DOCK3: variants seen among roughly 807,000 people sequenced by gnomAD.
DOCK3 encodes the protein dedicator of cytokinesis protein 3.
DOCK3 carries 60 observed loss-of-function variants against 265.6 expected under a neutral mutation model. The ratio of observed to expected loss-of-function variants is 0.23; its 90% CI spans 0.18 to 0.28. The LOEUF is 0.28. Among genes scored for constraint, DOCK3 ranks in the 10% least tolerant of loss-of-function variants. The pLI is 1.00. For missense variants in DOCK3, 1,981 were observed against 2,594.3 expected (o/e 0.76, Z 5.14); for synonymous variants, 881 against 938.0 (o/e 0.94, Z 1.11).
In DOCK3 at chr3:51,044,577, T is replaced by TA. The variant is rs200715535; in HGVS notation, c.316-19857dup. ...AAGCCTGCACTTGTATCACTGAACT[T>TA]AAAAAAAAAAAAAAGCCCTAAATGG... On this transcript the variant is annotated intron_variant, in intron 5 of 52. Transcript: ENST00000266037. Among the ~76,000 whole-genome samples the TA allele has an allele frequency of 7.6e-3, 1,064 of 139,418 alleles. 24 individuals are homozygous for TA. Among genetic ancestry groups the TA allele is most frequent in the East Asian group, 0.041 (201 of 4,960 alleles). 91.5% of individuals were successfully genotyped at this position (139,418 alleles called of 152,430 possible).
At chr3:51,266,535 A>G (rs1425399560) in intron 23 of DOCK3, among the ~76,000 whole-genome samples, 2 of 152,174 alleles carry the variant, frequency 1.3e-5, no homozygotes, top group South Asian at 2.1e-4. Context: ...CACATCTACA[A>G]TCATCTGATC....
At chr3:51,179,187 T>C (rs2087138483) in intron 12 of DOCK3, among the ~76,000 whole-genome samples, 1 of 152,236 alleles carries the variant, frequency 6.6e-6, no homozygotes, top group Non-Finnish European at 1.5e-5. Context: ...GTGAAACATT[T>C]ACAAAAATTG....
At chr3:50,819,301 G>C (rs1405250612) in intron 2 of DOCK3, among the ~76,000 whole-genome samples, 1 of 152,042 alleles carries the variant, frequency 6.6e-6, no homozygotes, top group Non-Finnish European at 1.5e-5. Flanking sequence ...GCCTATTCCT[G>C]TGCTGCCTGT....
At chr3:50,784,905 C>T (rs1026129187) in intron 2 of DOCK3, among the ~76,000 whole-genome samples, 8 of 152,154 alleles carry the variant, frequency 5.3e-5, no homozygotes, top group African/African-American at 1.9e-4. Flanking sequence ...GCCTATAATC[C>T]CAGCACTTTG....
At chr3:51,033,189 C>T (rs1329817090) in intron 5 of DOCK3, among the ~76,000 whole-genome samples, 3 of 152,086 alleles carry the variant, frequency 2.0e-5, no homozygotes, top group East Asian at 1.9e-4. Context: ...TTTGATGAGA[C>T]GAATGAGCAA....
intron 51 of DOCK3, among the ~76,000 whole-genome samples, chr3:51,376,520 G>A (rs1378867387): frequency 6.6e-6 from 1 of 152,136 alleles, no homozygotes; most frequent in Non-Finnish European, 1.5e-5. Flanking sequence ...CCTCAGACAC[G>A]GAGATCTGAG....
intron 5 of DOCK3, among the ~76,000 whole-genome samples, chr3:51,017,144 A>C (rs915634979): frequency 1.3e-5 from 2 of 149,498 alleles, no homozygotes; most frequent in African/African-American, 5.0e-5. Context: ...ATTTTTTTCT[A>C]GGTTTTTCAA....
At chr3:51,242,644 A>G (rs9878100) in intron 21 of DOCK3, among the ~76,000 whole-genome samples, 138,561 of 151,920 alleles carry the variant, frequency 0.91, 63,330 homozygotes, top group African/African-American at 0.96. Flanking sequence ...AAGCAGAAGT[A>G]GTCACTCAGG....
intron 2 of DOCK3, among the ~76,000 whole-genome samples, chr3:50,801,667 A>G (rs2043075624): frequency 6.6e-6 from 1 of 152,152 alleles, no homozygotes; most frequent in African/African-American, 2.4e-5. Context: ...GAGAATGTGT[A>G]TTCTATAGCT....
chr3:51,081,789 G>T (rs1389157106), intron 7 of DOCK3, among the ~76,000 whole-genome samples: 3 of 151,658 alleles, frequency 2.0e-5, no homozygotes, highest in Non-Finnish European at 4.4e-5. Context: ...CCAGCTACTC[G>T]GGAGGCTGAG....
chr3:50,899,390 T>C (rs1024246596), intron 4 of DOCK3, among the ~76,000 whole-genome samples: 1 of 152,202 alleles, frequency 6.6e-6, no homozygotes, highest in Admixed American at 6.5e-5. Context: ...GAGATGGGTC[T>C]CCTAAATACA....
chr3:50,962,426 G>C (rs2076914102), intron 5 of DOCK3, among the ~76,000 whole-genome samples: 1 of 152,118 alleles, frequency 6.6e-6, no homozygotes, highest in Non-Finnish European at 1.5e-5. Flanking sequence ...GTGAGGTACT[G>C]TATCATTACT....
At chr3:51,045,682 A>G (rs556730267) in intron 5 of DOCK3, among the ~76,000 whole-genome samples, 2 of 152,246 alleles carry the variant, frequency 1.3e-5, no homozygotes, top group East Asian at 3.9e-4. Context: ...TGCAAAGTTG[A>G]TGTAGCTATT....
At chr3:51,075,495 T>A in intron 7 of DOCK3, 55 bp downstream of exon 7, 1 of 1,418,608 alleles carries the variant, frequency 7.0e-7, no homozygotes, top group Non-Finnish European at 9.6e-7. Context: ...TTTTCTCTTT[T>A]GTTTATTTTC....
intron 3 of DOCK3, among the ~76,000 whole-genome samples, chr3:50,863,630 G>A (rs146549556): frequency 6.6e-6 from 1 of 152,138 alleles, no homozygotes; most frequent in East Asian, 1.9e-4. Context: ...TTTCTTTTGG[G>A]ATTTGTCCGT....
intron 27 of DOCK3, among the ~76,000 whole-genome samples, chr3:51,308,580 T>G (rs1242129333): frequency 6.6e-6 from 1 of 152,180 alleles, no homozygotes; most frequent in Non-Finnish European, 1.5e-5. Context: ...GAATTTTTCT[T>G]AGTACAGAAC....
At chr3:50,775,425 A>G (rs187261976) in intron 1 of DOCK3, among the ~76,000 whole-genome samples, 33 of 152,008 alleles carry the variant, frequency 2.2e-4, no homozygotes, top group African/African-American at 7.0e-4. Flanking sequence ...ATATCCTTTT[A>G]TGATGATTTT....
chr3:51,343,302 A>G (rs1473018017), intron 38 of DOCK3, among the ~76,000 whole-genome samples: 1 of 151,898 alleles, frequency 6.6e-6, no homozygotes, highest in Non-Finnish European at 1.5e-5. Flanking sequence ...TCCAGACACT[A>G]CCCCCAAGAG....
At chr3:50,754,630 G>C (rs531807946) in intron 1 of DOCK3, among the ~76,000 whole-genome samples, 6 of 150,290 alleles carry the variant, frequency 4.0e-5, no homozygotes, top group South Asian at 2.1e-4. Flanking sequence ...TGTGATCTTG[G>C]CTCACTGCAA....
Sources: gnomAD v4.1 joint callset for allele counts (sites outside exome capture counted in the v4.1 genomes callset) on GRCh38, gnomAD v4.1.1 for gene constraint, MANE v1.5 for transcripts, NCBI Gene and HGNC (gene_info 2026-07-23, HGNC 2026-07-21) for gene names.